Variants in NRG1 observed in about 807,000 individuals in gnomAD.
The protein encoded by NRG1 is neuregulin 1.
Under a neutral mutation model 63.8 loss-of-function variants are expected in NRG1, and 18 were observed. The observed-to-expected ratio is 0.28, with a 90% CI of 0.19 to 0.42. The LOEUF is 0.42. Among genes scored for constraint, NRG1 ranks in the 10% least tolerant of loss-of-function variants. NRG1 has a pLI of 1.00. For synonymous variants in NRG1, 302 were observed against 301.3 expected, an observed-to-expected ratio of 1.00 and a Z score of -0.02; for missense variants, 762 against 814.7, an observed-to-expected ratio of 0.94 and a Z score of 0.79.
At chr8:32,734,019 C>T (rs1464574913) in intron 6 of NRG1, among the ~76,000 whole-genome samples, 1 of 152,178 alleles carries the variant, frequency 6.6e-6, no homozygotes, top group African/African-American at 2.4e-5. Context: ...TTAATGACCT[C>T]TGAAGGTCAG....
chr8:31,908,191 C>T (rs1337980933), intron 1 of NRG1, among the ~76,000 whole-genome samples: 2 of 152,190 alleles, frequency 1.3e-5, no homozygotes, highest in African/African-American at 2.4e-5. Flanking sequence ...TAACACCTCT[C>T]CCTGTAGGCA....
At chr8:32,487,151 A>T (rs200660030) in intron 1 of NRG1, among the ~76,000 whole-genome samples, 6 of 7,898 alleles carry the variant, frequency 7.6e-4, no homozygotes, top group African/African-American at 1.2e-3. Flanking sequence ...CACTATTGAT[A>T]AAAAAAAAAA....
At chr8:32,406,872 A>C (rs1287420072) in intron 1 of NRG1, among the ~76,000 whole-genome samples, 1 of 152,140 alleles carries the variant, frequency 6.6e-6, no homozygotes, top group Non-Finnish European at 1.5e-5. Flanking sequence ...GAACAAACTT[A>C]AATCCTTGTG....
chr8:32,057,838 CCTT>C lies in NRG1; in HGVS notation c.37+418411_37+418413del, dbSNP rs201283113. Reference sequence around the variant, plus strand: ...CTGACCTTGTCCTCCTGGGCTTTGTCCTTCTTTTAATGAATGACACCTTACCCT... The same window carrying C: ...CTGACCTTGTCCTCCTGGGCTTTGTCCTTTTAATGAATGACACCTTACCCT... On this transcript the variant is annotated intron_variant, in intron 1 of 10. Coordinates refer to the NRG1 transcript ENST00000519301. Among the ~76,000 whole-genome samples the C allele has an allele frequency of 1.0e-3, 156 of 152,180 alleles. 1 individual carries two copies. In the East Asian group the frequency reaches 0.026, roughly 25 times the overall value.
At chr8:31,767,416 T>C (rs1818177624) in intron 1 of NRG1, among the ~76,000 whole-genome samples, 1 of 152,206 alleles carries the variant, frequency 6.6e-6, no homozygotes, top group Non-Finnish European at 1.5e-5. Flanking sequence ...AATATCCCAG[T>C]GTTGTATGTA....
At chr8:32,091,088 G>A (rs1696478360) in intron 1 of NRG1, among the ~76,000 whole-genome samples, 1 of 152,074 alleles carries the variant, frequency 6.6e-6, no homozygotes, top group Admixed American at 6.6e-5. Context: ...GACCATCCTG[G>A]CTAACACGGT....
chr8:31,781,077 C>CT (rs555382394), intron 1 of NRG1, among the ~76,000 whole-genome samples: 39 of 151,044 alleles, frequency 2.6e-4, no homozygotes, highest in Non-Finnish European at 4.1e-4. Flanking sequence ...TTTTATTTGG[C>CT]TTTTTTTTTG....
rs188321332 is a variant in NRG1, at chr8:32,347,915, G to C, written c.38-247913G>C. 1.4e-4 allele frequency among the ~76,000 whole-genome samples: 22 copies of C among 152,248 alleles called. No homozygotes were observed. In the East Asian group the frequency reaches 3.3e-3, roughly 23 times the overall value. On this transcript the variant is annotated intron_variant, in intron 1 of 10. Transcript: ENST00000519301. ...ACTCAATGTTCATGAATACAAGAAG[G>C]CCTTTTCAAAGAAAGGCCACGGGCA...
chr8:32,337,137 A>T (rs908509931), intron 1 of NRG1, among the ~76,000 whole-genome samples: 1 of 152,100 alleles, frequency 6.6e-6, no homozygotes, highest in Non-Finnish European at 1.5e-5. Flanking sequence ...CAGCCTCCCA[A>T]GTAGCTGTGA....
At chr8:32,012,595 T>TA (rs1311153658) in intron 1 of NRG1, among the ~76,000 whole-genome samples, 1 of 152,078 alleles carries the variant, frequency 6.6e-6, no homozygotes, top group Non-Finnish European at 1.5e-5. Context: ...AGTAGAGAAT[T>TA]ACCAGGGTTT....
intron 1 of NRG1, among the ~76,000 whole-genome samples, chr8:32,076,892 T>C (rs555124056): frequency 6.6e-6 from 1 of 152,250 alleles, no homozygotes; most frequent in Admixed American, 6.5e-5. Flanking sequence ...TGGTTACTGG[T>C]AGTAAAATTC....
chr8:32,480,928 G>A (rs570775984), intron 1 of NRG1, among the ~76,000 whole-genome samples: 6 of 152,182 alleles, frequency 3.9e-5, no homozygotes, highest in South Asian at 4.1e-4. Flanking sequence ...CCAACACTGC[G>A]GGTTACATTT....
intron 1 of NRG1, among the ~76,000 whole-genome samples, chr8:32,427,111 A>C (rs906842597): frequency 4.6e-5 from 7 of 152,092 alleles, no homozygotes; most frequent in Non-Finnish European, 8.8e-5. Flanking sequence ...TTTATTATCC[A>C]GAATTGTAAG....
intron 1 of NRG1, among the ~76,000 whole-genome samples, chr8:32,363,608 T>C (rs766494033): frequency 1.3e-5 from 2 of 152,154 alleles, no homozygotes; most frequent in Non-Finnish European, 2.9e-5. Flanking sequence ...AAATAGCATT[T>C]GGGCAAACGA....
At chr8:31,835,267 C>T (rs1236490264) in intron 1 of NRG1, among the ~76,000 whole-genome samples, 1 of 152,202 alleles carries the variant, frequency 6.6e-6, no homozygotes, top group Admixed American at 6.5e-5. Context: ...AACTTGAACT[C>T]AGGGTTGCCT....
In NRG1 at chr8:31,982,534, T is replaced by TAAGA. The variant is rs1185107583; in HGVS notation, c.37+343103_37+343104insAAGA. ...AGGAAGTGCTGAAAGAGCATGTTTC[T>TAAGA]GCACATTTAGAATTAAGAGGGATTT... On this transcript the variant is annotated intron_variant, in intron 1 of 10. Coordinates refer to the NRG1 transcript ENST00000519301. 6.9e-3 allele frequency among the ~76,000 whole-genome samples: 1,044 copies of TAAGA among 152,196 alleles called. 15 individuals carry two copies. Among genetic ancestry groups the TAAGA allele is most frequent in the African/African-American group, 0.024 (980 of 41,538 alleles).
At chr8:32,362,156 C>G (rs930717307) in intron 1 of NRG1, among the ~76,000 whole-genome samples, 3 of 152,154 alleles carry the variant, frequency 2.0e-5, no homozygotes, top group Non-Finnish European at 2.9e-5. Context: ...GTACAGTTCT[C>G]ACAACTCCCT....
chr8:31,722,818 C>A (rs1813053240), intron 1 of NRG1, among the ~76,000 whole-genome samples: 1 of 152,124 alleles, frequency 6.6e-6, no homozygotes, highest in South Asian at 2.1e-4. Flanking sequence ...TGCCATATTA[C>A]TCCCATTTCT....
chr8:31,756,925 A>G (rs1412166479), intron 1 of NRG1, among the ~76,000 whole-genome samples: 12 of 152,250 alleles, frequency 7.9e-5, no homozygotes, highest in Admixed American at 7.2e-4. Flanking sequence ...GTTTCAGTCT[A>G]TTGGGTCAGG....
Sources: gnomAD v4.1 joint callset for allele counts (sites outside exome capture counted in the v4.1 genomes callset) on GRCh38, gnomAD v4.1.1 for gene constraint, MANE v1.5 for transcripts, NCBI Gene and HGNC (gene_info 2026-07-23, HGNC 2026-07-21) for gene names.